Variants in TMEM260 observed in about 807,000 individuals in gnomAD.
TMEM260 encodes the protein transmembrane protein 260, also known as protein O-mannosyl-transferase TMEM260.
Under a neutral mutation model 88.9 loss-of-function variants are expected in TMEM260, and 82 were observed. That is an observed-to-expected ratio of 0.92 (90% CI 0.77 to 1.11). The LOEUF (loss-of-function observed/expected upper bound fraction) is 1.11. TMEM260 is among the 50% of genes least tolerant of loss of function. TMEM260 has a pLI of 0.00. For synonymous variants in TMEM260, 314 were observed against 309.3 expected (o/e 1.02, Z -0.16); for missense variants, 902 against 853.4 (o/e 1.06, Z -0.71).
intron 3 of TMEM260, among the ~76,000 whole-genome samples, chr14:56,589,022 A>C (rs2139509069): frequency 6.6e-6 from 1 of 152,214 alleles, no homozygotes; most frequent in South Asian, 2.1e-4. Flanking sequence ...ACACCATTTA[A>C]CATTATTTAA....
intron 6 of TMEM260, 89 bp from the exon 7 acceptor site, chr14:56,612,156 C>G: frequency 7.7e-7 from 1 of 1,306,918 alleles, no homozygotes; most frequent in Non-Finnish European, 1.1e-6. Flanking sequence ...TTAAGAAAAC[C>G]CGAATCTTTT....
chr14:56,641,973 A>C (rs1889628900), intron 15 of TMEM260, among the ~76,000 whole-genome samples: 1 of 152,226 alleles, frequency 6.6e-6, no homozygotes, highest in South Asian at 2.1e-4. Context: ...CTAAATATAT[A>C]TGCACCCAAT....
intron 1 of TMEM260, among the ~76,000 whole-genome samples, chr14:56,580,301 GT>G (rs1330296187): frequency 6.6e-6 from 1 of 152,206 alleles, no homozygotes; most frequent in African/African-American, 2.4e-5. Context: ...CGTATTGTTG[GT>G]TTCGCCTGGT....
chr14:56,656,021 A>G, the TMEM260 span, among the ~76,000 whole-genome samples: 1 of 152,132 alleles, frequency 6.6e-6, no homozygotes, highest in Non-Finnish European at 1.5e-5. Context: ...TTCTTTCCAG[A>G]AGATAGGATT....
chr14:56,652,749 T>C (rs563186543), downstream of TMEM260, among the ~76,000 whole-genome samples: 1 of 152,326 alleles, frequency 6.6e-6, no homozygotes, highest in African/African-American at 2.4e-5. Context: ...TGTTTGTTTT[T>C]ACTTAGAGTG....
intron 13 of TMEM260, among the ~76,000 whole-genome samples, chr14:56,634,040 A>G (rs1888835161): frequency 6.6e-6 from 1 of 152,230 alleles, no homozygotes; most frequent in African/African-American, 2.4e-5. Context: ...AAAAGTCAGA[A>G]CAGCTGACAA....
At chr14:56,651,068 C>T (rs184672537), downstream of TMEM260, among the ~76,000 whole-genome samples, 81 of 152,224 alleles carry the variant, frequency 5.3e-4, no homozygotes, top group East Asian at 0.011. Context: ...TACTCACAAA[C>T]AAATAAGTAA....
At chr14:56,596,615 T>C (rs555252824) in intron 3 of TMEM260, among the ~76,000 whole-genome samples, 2 of 149,744 alleles carry the variant, frequency 1.3e-5, no homozygotes, top group Non-Finnish European at 3.0e-5. Context: ...AATACAAAAT[T>C]AGCCAGGCGT....
intron 15 of TMEM260, among the ~76,000 whole-genome samples, chr14:56,642,220 G>T (rs9744006): frequency 6.6e-6 from 1 of 152,006 alleles, no homozygotes; most frequent in Admixed American, 6.5e-5. Context: ...TCTCAGCACC[G>T]CATTGCACTT....
In TMEM260 at chr14:56,621,688, T is replaced by C; in HGVS notation, c.1384T>C (p.Leu462=). 6.2e-7 allele frequency: 1 copy of C among 1,608,786 alleles called. No individual in the cohort carries two copies. The highest frequency in any genetic ancestry group is 8.5e-7 in the Non-Finnish European group (1 of 1,178,410). ...YCEGLRPDIS[L]VDQEMMTYEW... is the part of the protein sequence containing the mutation. ...TGAGGGGTTGAGGCCTGACATTTCATTAGTGGATCAGGAAGTAAGTATATG... is the reference window on the plus strand; with the variant it reads ...TGAGGGGTTGAGGCCTGACATTTCACTAGTGGATCAGGAAGTAAGTATATG... The change falls in exon 11 of 16, where the codon TTA becomes CTA. Residue 462 remains leucine (L), a synonymous_variant. Transcript: ENST00000261556.
chr14:56,654,404 G>C (rs1890262931), downstream of TMEM260, among the ~76,000 whole-genome samples: 1 of 152,086 alleles, frequency 6.6e-6, no homozygotes, highest in South Asian at 2.1e-4. Flanking sequence ...TCATATTTCT[G>C]TATTTTAGAG....
At chr14:56,656,141 G>A in the TMEM260 span, among the ~76,000 whole-genome samples, 1 of 152,302 alleles carries the variant, frequency 6.6e-6, no homozygotes, top group African/African-American at 2.4e-5. Context: ...TGTGGGCCAA[G>A]CACAGTGATT....
chr14:56,596,459 T>G (rs951803299), intron 3 of TMEM260, among the ~76,000 whole-genome samples: 5 of 148,762 alleles, frequency 3.4e-5, no homozygotes, highest in Admixed American at 2.0e-4. Context: ...TATAGAGAGA[T>G]ATATTTTTAA....
At chr14:56,639,580 A>G (rs543238304) in intron 15 of TMEM260, among the ~76,000 whole-genome samples, 104 of 152,340 alleles carry the variant, frequency 6.8e-4, no homozygotes, top group Non-Finnish European at 1.9e-4. Context: ...GCAACGCAGA[A>G]GACGGGTGAT....
intron 2 of TMEM260, 61 bp downstream of exon 2, chr14:56,585,093 G>C (rs1885404685): frequency 1.4e-6 from 2 of 1,481,316 alleles, no homozygotes; most frequent in South Asian, 1.2e-5. Flanking sequence ...AATTAAGAAA[G>C]TTTAATTAAG....
chr14:56,627,059 G>A (rs2139611227), intron 12 of TMEM260, among the ~76,000 whole-genome samples: 1 of 152,010 alleles, frequency 6.6e-6, no homozygotes, highest in East Asian at 1.9e-4. Flanking sequence ...ATTCTCATAA[G>A]ACGCATAATA....
intron 5 of TMEM260, among the ~76,000 whole-genome samples, chr14:56,607,376 G>A (rs1886976903): frequency 6.6e-6 from 1 of 152,188 alleles, no homozygotes; most frequent in Non-Finnish European, 1.5e-5. Context: ...TGGACTAAGG[G>A]CCTGTTTTCC....
chr14:56,590,108 C>T (rs1482481267), intron 3 of TMEM260, among the ~76,000 whole-genome samples: 4 of 152,102 alleles, frequency 2.6e-5, no homozygotes, highest in Admixed American at 6.6e-5. Context: ...TGTCTTGATC[C>T]GTGGTTAATT....
In TMEM260 at chr14:56,585,094, TTTAA is replaced by T. The variant is rs543553723; in HGVS notation, c.192+67_192+70del. 4,528 of 1,482,492 alleles carry T rather than the reference TTTAA, an allele frequency of 3.1e-3. 15 individuals are homozygous for T. The highest frequency in any genetic ancestry group is 3.3e-3 in the Non-Finnish European group (3,571 of 1,073,584). The allele number at this position is 1,482,492 out of a possible 1,614,324, so 91.8% of individuals were successfully genotyped here. A position where few individuals can be genotyped will look rare whatever the true frequency, so the allele number is the denominator to read the frequency against. ...TTAACAGTTTTAGGAATTAAGAAAGTTTAATTAAGCATGGAGTAAAGTAGATTAA... is the reference window on the plus strand; with the variant it reads ...TTAACAGTTTTAGGAATTAAGAAAGTTTAAGCATGGAGTAAAGTAGATTAA... On this transcript the variant is annotated intron_variant, in intron 2 of 15. Transcript: ENST00000261556.
Sources: gnomAD v4.1 joint callset for allele counts (sites outside exome capture counted in the v4.1 genomes callset) on GRCh38, gnomAD v4.1.1 for gene constraint, MANE v1.5 for transcripts, NCBI Gene and HGNC (gene_info 2026-07-23, HGNC 2026-07-21) for gene names.